Variants in SETDB2 observed in about 807,000 individuals in gnomAD.
SETDB2 encodes histone-lysine N-methyltransferase SETDB2.
Under a neutral mutation model 82.5 loss-of-function variants are expected in SETDB2, and 56 were observed. That is an observed-to-expected ratio of 0.68 (90% CI 0.55 to 0.85). The LOEUF (loss-of-function observed/expected upper bound fraction) is 0.85. Ranked by LOEUF, SETDB2 falls within the 40% of genes least tolerant of loss-of-function variation. The pLI is 0.00. For missense variants in SETDB2, 677 were observed against 816.4 expected, an observed-to-expected ratio of 0.83 and a Z score of 2.08; for synonymous variants, 272 against 284.9, an observed-to-expected ratio of 0.95 and a Z score of 0.46.
At chr13:49,461,398 G>A (rs77709983) in intron 4 of SETDB2, among the ~76,000 whole-genome samples, 3,534 of 152,232 alleles carry the variant, frequency 0.023, 125 homozygotes, top group African/African-American at 0.079. Flanking sequence ...AATGTGTGTC[G>A]TCTTTGGGGG....
In SETDB2 at chr13:49,451,922, A is replaced by G. The variant is rs1566153933; in HGVS notation, c.16+13A>G. ...GGAGAAAAAAATGGTAGGTTGAAGA[A>G]CACACTGTTACACTTTATATCTAAA... On this transcript the variant is annotated intron_variant, in intron 2 of 13. Coordinates refer to ENST00000611815, the MANE Select transcript of SETDB2 (RefSeq NM_001160308.3). The G allele has an allele frequency of 1.9e-6, 3 of 1,568,346 alleles. No homozygotes were observed. The South Asian group carries it at 3.5e-5, about 18-fold the overall frequency.
chr13:49,463,994 T>G (rs374771044), intron 4 of SETDB2: 14 of 730,148 alleles, frequency 1.9e-5, no homozygotes, highest in Middle Eastern at 2.3e-4. Context: ...AATTTTATTT[T>G]TCTTTCTTTA....
chr13:49,494,443 G>A lies in SETDB2; in HGVS notation c.*2594G>A, dbSNP rs1430169535. 1 of 152,132 alleles carries A rather than the reference G, an allele frequency of 6.6e-6. No individual in the cohort carries two copies. Among genetic ancestry groups the A allele is most frequent in the Admixed American group, 6.5e-5 (1 of 15,278 alleles). 9.4% of individuals were successfully genotyped at this position (152,132 alleles called of 1,614,324 possible). The stretch of plus-strand genomic sequence containing the variant: ...TTATAGGCTTTCCTCAGAGTTAATG[G>A]TCTTGGTAGTCTACTCATATTTAAG... On this transcript the variant is annotated 3_prime_UTR_variant, in exon 14 of 14. Transcript: ENST00000611815.
chr13:49,466,678 T>A (rs1019954430), intron 4 of SETDB2, among the ~76,000 whole-genome samples: 2 of 152,146 alleles, frequency 1.3e-5, no homozygotes, highest in African/African-American at 4.8e-5. Flanking sequence ...AGGGTCTTCC[T>A]CTGTCGCTCA....
At chr13:49,447,283 C>T (rs1957708313) in intron 1 of SETDB2, among the ~76,000 whole-genome samples, 1 of 152,074 alleles carries the variant, frequency 6.6e-6, no homozygotes, top group South Asian at 2.1e-4. Context: ...ATGTTAAAAA[C>T]ATTTTCTCTT....
At position 49,467,850 on chromosome 13, in the gene SETDB2, AT is replaced by A. The variant is rs754947129; in HGVS notation, c.209-7del. 2.5e-6 allele frequency: 4 copies of A among 1,587,468 alleles called. No homozygotes were observed. The Admixed American group carries it at 5.3e-5, about 21-fold the overall frequency. On this transcript the variant is annotated splice_polypyrimidine_tract_variant and intron_variant, in intron 4 of 13. Coordinates refer to ENST00000611815, the MANE Select transcript of SETDB2 (RefSeq NM_001160308.3). Reference sequence around the variant, plus strand: ...ACTTGGTATATTTGTTGCTCACATTATTTTTTTGTGTAGATCCTATGCCTGT... The same window carrying A: ...ACTTGGTATATTTGTTGCTCACATTATTTTTTGTGTAGATCCTATGCCTGT...
intron 10 of SETDB2, among the ~76,000 whole-genome samples, chr13:49,483,885 T>C (rs1314922189): frequency 6.6e-6 from 1 of 151,994 alleles, no homozygotes; most frequent in Non-Finnish European, 1.5e-5. Context: ...CTCCCAAAGT[T>C]CTGGGATTAT....
In SETDB2 at chr13:49,451,913, G is replaced by A; in HGVS notation, c.16+4G>A. 1 of 1,589,734 alleles carries A rather than the reference G, an allele frequency of 6.3e-7. No individual in the cohort carries two copies. On this transcript the variant is annotated splice_donor_region_variant and intron_variant, in intron 2 of 13. Transcript: ENST00000611815. ...CAAAAGATGGGAGAAAAAAATGGTA[G>A]GTTGAAGAACACACTGTTACACTTT...
chr13:49,460,961 C>T (rs1180763388), intron 3 of SETDB2, 136 bp from the exon 4 acceptor site: 7 of 565,266 alleles, frequency 1.2e-5, no homozygotes, highest in Non-Finnish European at 2.2e-5. Flanking sequence ...TTTCTTTTGT[C>T]TCTAATGCAG....
intron 1 of SETDB2, among the ~76,000 whole-genome samples, chr13:49,449,097 CTT>C (rs1957743193): frequency 6.6e-6 from 1 of 152,280 alleles, no homozygotes; most frequent in Non-Finnish European, 1.5e-5. Flanking sequence ...AAGTGGGTCT[CTT>C]ATTTTAAAAT....
At chr13:49,468,092 T>C in intron 5 of SETDB2, 132 bp downstream of exon 5, 1 of 496,800 alleles carries the variant, frequency 2.0e-6, no homozygotes, top group South Asian at 4.3e-5. Flanking sequence ...TTGTATATTT[T>C]AGTATTTTAT....
At chr13:49,455,842 T>C (rs1213572726) in intron 2 of SETDB2, among the ~76,000 whole-genome samples, 1 of 152,076 alleles carries the variant, frequency 6.6e-6, no homozygotes, top group East Asian at 1.9e-4. Context: ...GTATTTTTTC[T>C]TGAGACAGCC....
chr13:49,491,024 G>C, intron 13 of SETDB2, 114 bp downstream of exon 13: 1 of 708,078 alleles, frequency 1.4e-6, no homozygotes, highest in South Asian at 2.0e-5. Flanking sequence ...AGGCCAAGGT[G>C]GGGAGACTGC....
chr13:49,480,138 C>T, intron 6 of SETDB2, 81 bp from the exon 7 acceptor site: 1 of 857,368 alleles, frequency 1.2e-6, no homozygotes, highest in Admixed American at 2.5e-5. Context: ...TTTATTACAT[C>T]ATTTACACAT....
In SETDB2 at chr13:49,494,547, T is replaced by C. The variant is rs1364714059; in HGVS notation, c.*2698T>C. On this transcript the variant is annotated 3_prime_UTR_variant, in exon 14 of 14. Coordinates refer to ENST00000611815, the MANE Select transcript of SETDB2 (RefSeq NM_001160308.3). ...GTTTTACTATGACCTACCTGAGCTA[T>C]CTTGCTGGGGAACACCCTAATGTCA... 7 of 152,214 alleles carry C rather than the reference T, an allele frequency of 4.6e-5. No individual in the cohort carries two copies. Among genetic ancestry groups the C allele is most frequent in the African/African-American group, 1.7e-4 (7 of 41,458 alleles). The allele number at this position is 152,214 out of a possible 1,614,324, so 9.4% of individuals were successfully genotyped here.
Position 49,482,875 on chromosome 13 carries a change from T to C in SETDB2, c.1295T>C (p.Leu432Pro). Residue 432 changes from leucine to proline, a missense_variant, in exon 9 of 14, where the codon CTC becomes CCC. Transcript: ENST00000611815. ...TGTTCAGATTGTGAAGTTGAAGTTC[T>C]CCCATTAGGATTGGAAACACATCCT... ...VACSDCEVEV[L>P]PLGLETHPRT... 1 of 1,613,586 alleles carries C rather than the reference T, an allele frequency of 6.2e-7. No homozygotes were observed.
At chr13:49,481,957 C>A in intron 8 of SETDB2, 1 of 600,386 alleles carries the variant, frequency 1.7e-6, no homozygotes, top group Non-Finnish European at 2.1e-6. Context: ...AGGTTCACAT[C>A]AGGGAGGGCA....
chr13:49,491,690 T>G (rs770065233), intron 13 of SETDB2, 42 bp from the exon 14 acceptor site: 1 of 1,395,046 alleles, frequency 7.2e-7, no homozygotes, highest in Admixed American at 1.8e-5. Context: ...TTGGTAGTTA[T>G]TTAGGGTATT....
rs754314267 is a variant in SETDB2 at position 49,467,934 on chromosome 13, C to G, written c.279C>G (p.Asn93Lys). The stretch of plus-strand genomic sequence containing the variant: ...CATTTCCCTCTACATCATGTGAAAA[C>G]TCCTTTCCAGAAGACTGTACATTTC... The part of the protein sequence containing the change: ...SNAFPSTSCE[N>K]SFPEDCTFLT... The change falls in exon 5 of 14, where the codon AAC becomes AAG. Residue 93 changes from asparagine (N) to lysine (K), a missense_variant. Asn to Lys is a moderately conservative substitution (Grantham distance 94). Coordinates refer to ENST00000611815, the MANE Select transcript of SETDB2 (RefSeq NM_001160308.3). 16 of 1,609,156 alleles carry G rather than the reference C, an allele frequency of 9.9e-6. No homozygotes were observed. Among genetic ancestry groups the G allele is most frequent in the Admixed American group, 5.0e-5 (3 of 59,514 alleles).
Sources: gnomAD v4.1 joint callset for allele counts (sites outside exome capture counted in the v4.1 genomes callset) on GRCh38, gnomAD v4.1.1 for gene constraint, MANE v1.5 for transcripts, NCBI Gene and HGNC (gene_info 2026-07-23, HGNC 2026-07-21) for gene names.